The following MRPS35 variants were observed in gnomAD, a reference collection of about 807,000 sequenced individuals.
MRPS35 encodes small ribosomal subunit protein mS35.
A neutral mutation model predicts 32.7 loss-of-function variants in MRPS35; 29 were observed. That is an observed-to-expected ratio of 0.89 (90% CI 0.66 to 1.21). The LOEUF (loss-of-function observed/expected upper bound fraction) is 1.21, where lower values mean the gene tolerates loss of function less well. Ranked by LOEUF, MRPS35 falls within the 50% of genes most tolerant of loss-of-function variation. The pLI is 0.00. For missense variants in MRPS35, 373 were observed against 383.8 expected (o/e 0.97, Z 0.23); for synonymous variants, 148 against 139.3 (o/e 1.06, Z -0.44).
intron 1 of MRPS35, among the ~76,000 whole-genome samples, chr12:27,714,075 C>CAA (rs34481044): frequency 8.9e-5 from 7 of 78,538 alleles, no homozygotes; most frequent in African/African-American, 1.2e-4. Context: ...GACCTTGTCT[C>CAA]AAAAAAAAAA....
Position 27,755,232 on chromosome 12 carries a change from A to G in MRPS35, c.754A>G (p.Ile252Val), listed in dbSNP as rs568011189. 6 of 1,609,194 alleles carry G rather than the reference A, an allele frequency of 3.7e-6. No individual in the cohort carries two copies. In the South Asian group the frequency reaches 4.5e-5, roughly 12 times the overall value. Residue 252 changes from isoleucine (I) to valine (V), a missense_variant, in exon 8 of 8, where the codon ATA (isoleucine) becomes GTA (valine). Ile to Val is a conservative substitution (Grantham distance 29). Transcript: ENST00000081029. Reference sequence around the variant, plus strand: ...GACTGAAGCAGACATGGAAGAGTATATATGGGAAAATAGCTCATCAGAAAG... The same window carrying G: ...GACTGAAGCAGACATGGAAGAGTATGTATGGGAAAATAGCTCATCAGAAAG... Reference protein sequence around the residue: ...SKTEADMEEYIWENSSSERNI... With the variant: ...SKTEADMEEYVWENSSSERNI...
intron 7 of MRPS35, among the ~76,000 whole-genome samples, chr12:27,750,761 T>C (rs12822020): frequency 0.2 from 29,966 of 152,020 alleles, 3,237 homozygotes; most frequent in African/African-American, 0.29. Flanking sequence ...GCCAAGATAG[T>C]GCCACTGTGC....
chr12:27,737,468 T>G, intron 6 of MRPS35, 71 bp from the exon 7 acceptor site: 1 of 1,016,758 alleles, frequency 9.8e-7, no homozygotes, highest in Non-Finnish European at 1.6e-6. Flanking sequence ...TTTAGTATAT[T>G]GCATATTTTG....
At chr12:27,721,750 A>G (rs2061876285) in intron 4 of MRPS35, among the ~76,000 whole-genome samples, 1 of 152,256 alleles carries the variant, frequency 6.6e-6, no homozygotes, top group African/African-American at 2.4e-5. Flanking sequence ...GACAGTTAAC[A>G]AATGGCATTG....
chr12:27,751,926 A>G (rs2062005946), intron 7 of MRPS35, among the ~76,000 whole-genome samples: 2 of 152,246 alleles, frequency 1.3e-5, no homozygotes, highest in African/African-American at 4.8e-5. Context: ...GTACCTTTTC[A>G]TGTGATTACA....
chr12:27,711,968 G>A (rs2061827529), intron 1 of MRPS35, among the ~76,000 whole-genome samples: 1 of 151,132 alleles, frequency 6.6e-6, no homozygotes, highest in South Asian at 2.1e-4. Flanking sequence ...GGCAAGGTGG[G>A]GAAGTCAATA....
rs1011830884 is a variant in MRPS35, at chr12:27,724,149, C to G, written c.485C>G (p.Ser162Cys). 1.2e-6 allele frequency: 2 copies of G among 1,604,924 alleles called. No homozygotes were observed. The highest frequency in any genetic ancestry group is 1.3e-5 in the African/African-American group (1 of 74,348). The change falls in exon 5 of 8, where the codon TCT becomes TGT. Residue 162 changes from serine to cysteine, a missense_variant. Transcript: ENST00000081029. ...ACTGATTATGTTTCATCAGGACCAT[C>G]TGTTCGGAACCCCAGAGCACGAGTA... ...DSTDYVSSGP[S>C]VRNPRARVVV...
intron 3 of MRPS35, among the ~76,000 whole-genome samples, chr12:27,717,332 T>G (rs144436276): frequency 0.011 from 1,732 of 152,338 alleles, 112 homozygotes; most frequent in Admixed American, 0.1. Context: ...TTATTTAGTA[T>G]TATTATTATA....
intron 5 of MRPS35, among the ~76,000 whole-genome samples, chr12:27,728,800 C>G (rs1025331519): frequency 1.3e-5 from 2 of 152,114 alleles, no homozygotes; most frequent in African/African-American, 4.8e-5. Flanking sequence ...CCCATTGCAT[C>G]TGGATGTCAT....
chr12:27,755,275 T>C lies in MRPS35; in HGVS notation c.797T>C (p.Leu266Pro). 1.2e-6 allele frequency: 2 copies of C among 1,613,080 alleles called. No individual in the cohort carries two copies. Among genetic ancestry groups the C allele is most frequent in the East Asian group, 2.2e-5 (1 of 44,808 alleles). ...TCAGAAAGAAATATCCTGGAAACGCTTCTCCAGATGAAAGCTGCTGAGAAA... is the reference window on the plus strand; with the variant it reads ...TCAGAAAGAAATATCCTGGAAACGCCTCTCCAGATGAAAGCTGCTGAGAAA... ...SSSERNILET[L>P]LQMKAAEKNM... is the part of the protein sequence containing the mutation. Residue 266 changes from leucine to proline, a missense_variant, in exon 8 of 8, where the codon CTT becomes CCT. Leu to Pro is a moderately conservative substitution (Grantham distance 98, BLOSUM62 -3). Transcript: ENST00000081029.
chr12:27,748,369 G>C (rs560415783), intron 7 of MRPS35, among the ~76,000 whole-genome samples: 1 of 152,028 alleles, frequency 6.6e-6, no homozygotes, highest in Admixed American at 6.6e-5. Flanking sequence ...ACATGGAATG[G>C]AAAATTGCTT....
intron 5 of MRPS35, among the ~76,000 whole-genome samples, chr12:27,726,960 CT>C (rs140813983): frequency 3.8e-4 from 47 of 123,252 alleles, no homozygotes; most frequent in East Asian, 6.9e-4. Context: ...TGATGATGTC[CT>C]TTTTTTTTTT....
chr12:27,732,671 T>A (rs562357148), intron 5 of MRPS35, among the ~76,000 whole-genome samples: 2 of 152,322 alleles, frequency 1.3e-5, no homozygotes, highest in South Asian at 4.1e-4. Context: ...AAAATTTTGA[T>A]AGTCATAAAA....
chr12:27,712,920 A>C (rs2061834118), intron 1 of MRPS35, among the ~76,000 whole-genome samples: 1 of 152,220 alleles, frequency 6.6e-6, no homozygotes, highest in South Asian at 2.1e-4. Flanking sequence ...CCAGAGGCTG[A>C]AGTGGGAGAA....
At chr12:27,750,102 G>T (rs993642536) in intron 7 of MRPS35, among the ~76,000 whole-genome samples, 2 of 152,152 alleles carry the variant, frequency 1.3e-5, no homozygotes, top group African/African-American at 2.4e-5. Context: ...ATAGATGAGA[G>T]GCTATTTATA....
At chr12:27,716,520 C>G in intron 3 of MRPS35, 62 bp downstream of exon 3, 2 of 1,547,670 alleles carry the variant, frequency 1.3e-6, no homozygotes, top group Non-Finnish European at 1.8e-6. Context: ...GATCTTCCCC[C>G]CTATTTCTGC....
intron 5 of MRPS35, among the ~76,000 whole-genome samples, chr12:27,734,082 A>T (rs1357544622): frequency 6.6e-6 from 1 of 152,210 alleles, no homozygotes. Flanking sequence ...GTACAGAGTT[A>T]TTGAAGCTAC....
intron 6 of MRPS35, among the ~76,000 whole-genome samples, chr12:27,737,096 A>G (rs569635349): frequency 6.6e-6 from 1 of 152,278 alleles, no homozygotes; most frequent in South Asian, 2.1e-4. Flanking sequence ...GGCTGGCCTC[A>G]AACTTCTAGC....
intron 5 of MRPS35, among the ~76,000 whole-genome samples, chr12:27,729,440 G>A (rs984322700): frequency 6.6e-6 from 1 of 151,692 alleles, no homozygotes; most frequent in South Asian, 2.1e-4. Context: ...TTTTCTTTTT[G>A]TCTTTTGCAT....
Sources: gnomAD v4.1 joint callset for allele counts (sites outside exome capture counted in the v4.1 genomes callset) on GRCh38, gnomAD v4.1.1 for gene constraint, MANE v1.5 for transcripts, NCBI Gene and HGNC (gene_info 2026-07-23, HGNC 2026-07-21) for gene names.